The following SEC61A2 variants were observed in gnomAD, a reference collection of about 807,000 sequenced individuals.
SEC61A2 encodes the protein SEC61 translocon subunit alpha 2.
SEC61A2 carries 28 observed loss-of-function variants against 59.9 expected under a neutral mutation model. The observed-to-expected ratio is 0.47, with a 90% CI of 0.35 to 0.64. The LOEUF (loss-of-function observed/expected upper bound fraction) is 0.64. SEC61A2 is among the 30% of genes least tolerant of loss of function. SEC61A2 has a pLI of 0.01. For missense variants in SEC61A2, 340 were observed against 585.9 expected, an observed-to-expected ratio of 0.58 and a Z score of 4.33; for synonymous variants, 202 against 214.4, an observed-to-expected ratio of 0.94 and a Z score of 0.50.
chr10:12,164,013 T>C lies in SEC61A2; in HGVS notation c.1245-255T>C, dbSNP rs986377107. ...TTTAAATCTGTCCAGGAATCTCATG[T>C]CCTGTAAGATTACATATTGTCTTTC... On this transcript the variant is annotated intron_variant, in intron 11 of 11. Coordinates refer to ENST00000298428, the MANE Select transcript of SEC61A2 (RefSeq NM_018144.4). This position sits in a 1 kb window ranked among gnomAD's most constrained non-coding sequence, Gnocchi z 7.3. Among the ~76,000 whole-genome samples the C allele has an allele frequency of 1.1e-4, 17 of 152,248 alleles. No homozygotes were observed. Among genetic ancestry groups the C allele is most frequent in the Admixed American group, 1.1e-3 (17 of 15,288 alleles).
Position 12,155,727 on chromosome 10 carries a change from C to G in SEC61A2, c.463-51C>G, listed in dbSNP as rs756618397. 9 of 1,608,502 alleles carry G rather than the reference C, an allele frequency of 5.6e-6. No homozygotes were observed. The highest frequency in any genetic ancestry group is 3.3e-5 in the Admixed American group (2 of 59,886). ...AATAGCCAATGGTGTTCCTCTCCCC[C>G]TTTCTTGAGTTTGTTCTTGCTTCCG... On this transcript the variant is annotated intron_variant, in intron 6 of 11. Coordinates refer to ENST00000298428, the MANE Select transcript of SEC61A2 (RefSeq NM_018144.4). The surrounding 1 kb of genome is among the most constrained non-coding windows in gnomAD (Gnocchi z 4.3).
At position 12,145,286 on chromosome 10, in the gene SEC61A2, A is replaced by G. The variant is rs566668426; in HGVS notation, c.220+2091A>G. 1.1e-4 allele frequency among the ~76,000 whole-genome samples: 16 copies of G among 152,316 alleles called. No homozygotes were observed. The South Asian group carries it at 1.7e-3, about 16-fold the overall frequency. ...TTATATCATTATAAAGAATGCTACA[A>G]TGAAGGCTATCACACCGTTCTGTAA... On this transcript the variant is annotated intron_variant, in intron 4 of 11. Transcript: ENST00000298428. The surrounding 1 kb of genome is among the most constrained non-coding windows in gnomAD (Gnocchi z 4.4).
chr10:12,156,847 T>TGA lies in SEC61A2; in HGVS notation c.617-58_617-57dup. 1 of 1,564,144 alleles carries TGA rather than the reference T, an allele frequency of 6.4e-7. No individual in the cohort carries two copies. Among genetic ancestry groups the TGA allele is most frequent in the Non-Finnish European group, 8.7e-7 (1 of 1,153,716 alleles). ...TACTGGACTTTCACGGTTAGTTGTT[T>TGA]GAGCTTTGGGACAGCTTTGGACGAT... On this transcript the variant is annotated intron_variant, in intron 7 of 11. Coordinates refer to ENST00000298428, the MANE Select transcript of SEC61A2 (RefSeq NM_018144.4). The surrounding 1 kb of genome is among the most constrained non-coding windows in gnomAD (Gnocchi z 5.2).
chr10:12,140,457 T>C (rs781172637), intron 3 of SEC61A2, among the ~76,000 whole-genome samples: 11 of 152,190 alleles, frequency 7.2e-5, no homozygotes, highest in Non-Finnish European at 1.5e-4. Context: ...TGAAATAAAA[T>C]TAGAAACCAA....
rs1038456280 is a variant in SEC61A2 at position 12,158,826 on chromosome 10, T to G, written c.975+721T>G. Among the ~76,000 whole-genome samples the G allele has an allele frequency of 6.6e-6, 1 of 152,180 alleles. No individual in the cohort carries two copies. The highest frequency in any genetic ancestry group is 1.5e-5 in the Non-Finnish European group (1 of 68,032). ...CTATCTCCCACCCTGCCTCCAGGCC[T>G]CCTCCATTTTTCATGGTCTGAATGG... is the stretch of plus-strand genomic sequence containing the variant. On this transcript the variant is annotated intron_variant, in intron 9 of 11. Coordinates refer to ENST00000298428, the MANE Select transcript of SEC61A2 (RefSeq NM_018144.4). The surrounding 1 kb of genome is among the most constrained non-coding windows in gnomAD (Gnocchi z 5.7).
intron 1 of SEC61A2, among the ~76,000 whole-genome samples, chr10:12,132,603 G>C (rs111760466): frequency 0.086 from 11,205 of 129,882 alleles, 558 homozygotes; most frequent in South Asian, 0.12. Flanking sequence ...AACACAGCGA[G>C]ACTCTGTCTC....
In SEC61A2 at chr10:12,162,098, T is replaced by C. The variant is rs1834543341; in HGVS notation, c.1168-115T>C. The stretch of plus-strand genomic sequence containing the variant: ...ATGCGAATGATATGACAATGCAACT[T>C]TCAGGTTATTGTATGTTACGTGTTA... On this transcript the variant is annotated intron_variant, in intron 10 of 11. Transcript: ENST00000298428. The surrounding 1 kb of genome is among the most constrained non-coding windows in gnomAD (Gnocchi z 6.1). 1.3e-6 allele frequency: 1 copy of C among 799,260 alleles called. No individual in the cohort carries two copies. The highest frequency in any genetic ancestry group is 1.7e-5 in the African/African-American group (1 of 58,616). The allele number at this position is 799,260 out of a possible 1,614,324, so 49.5% of individuals were successfully genotyped here.
intron 2 of SEC61A2, among the ~76,000 whole-genome samples, 170 bp downstream of exon 2, chr10:12,133,478 A>C (rs138665446): frequency 2.6e-5 from 4 of 152,248 alleles, no homozygotes; most frequent in Non-Finnish European, 5.9e-5. Context: ...AAATCTGTTT[A>C]AATCTAGATA....
chr10:12,166,737 G>T (rs781163517), downstream of SEC61A2: 1 of 509,778 alleles, frequency 2.0e-6, no homozygotes, highest in East Asian at 5.8e-5. Context: ...TGGAGCTGCT[G>T]GAGGCCCTAA....
Position 12,136,148 on chromosome 10 carries a change from T to A in SEC61A2, c.119T>A (p.Phe40Tyr), listed in dbSNP as rs1283449623. Reference protein sequence around the residue: ...EKVLWTAITLFIFLVCCQIPL... With the variant: ...EKVLWTAITLYIFLVCCQIPL... ...GTTCTGTGGACTGCTATAACGCTCT[T>A]CATTTTCTTAGTGTGTTGTCAGGTA... Residue 40 changes from phenylalanine (F) to tyrosine (Y), a missense_variant, in exon 3 of 12, where the codon TTC (phenylalanine) becomes TAC (tyrosine). Physicochemically the swap from Phe to Tyr is conservative, Grantham distance 22. Around this residue, in one of 3 missense-constraint regions of SEC61A2, gnomAD observed 41 missense variants for 47.6 expected, o/e 0.86. Transcript: ENST00000298428. 1.3e-6 allele frequency: 2 copies of A among 1,598,052 alleles called. No individual in the cohort carries two copies. The highest frequency in any genetic ancestry group is 3.3e-5 in the Admixed American group (2 of 59,988).
intron 1 of SEC61A2, among the ~76,000 whole-genome samples, chr10:12,131,906 A>G (rs76544060): frequency 0.99 from 2,074 of 2,086 alleles, 1,032 homozygotes; most frequent in Middle Eastern, 1. Flanking sequence ...CATGTTGGCC[A>G]GGCTGGCCTT....
rs1834290001 is a variant in SEC61A2 at position 12,152,157 on chromosome 10, C to T, written c.462+2196C>T. ...AAAGTGCAGTGGTGCAATCTTGGCT[C>T]ACTGCAACCTCCGCCTCCCAGGTTC... On this transcript the variant is annotated intron_variant, in intron 6 of 11. Transcript: ENST00000298428. This position sits in a 1 kb window ranked among gnomAD's most constrained non-coding sequence, Gnocchi z 5.5. Among the ~76,000 whole-genome samples the T allele has an allele frequency of 6.6e-6, 1 of 150,492 alleles. No homozygotes were observed. The highest frequency in any genetic ancestry group is 2.5e-5 in the African/African-American group (1 of 40,706).
downstream of SEC61A2, chr10:12,167,473 A>G (rs957409305): frequency 1.1e-5 from 5 of 458,842 alleles, no homozygotes; most frequent in Admixed American, 3.9e-5. Context: ...TGGAGTAAAC[A>G]TACTTGCATT....
At chr10:12,150,536 T>A (rs1410602168) in intron 6 of SEC61A2, among the ~76,000 whole-genome samples, 1 of 152,244 alleles carries the variant, frequency 6.6e-6, no homozygotes, top group Non-Finnish European at 1.5e-5. Flanking sequence ...TACCACTAGG[T>A]CTAAAATACG....
At chr10:12,165,555 T>C (rs1413138705), downstream of SEC61A2, 3 of 168,270 alleles carry the variant, frequency 1.8e-5, no homozygotes, top group Non-Finnish European at 1.2e-5. Context: ...AGGGTAATCA[T>C]ATATGTGACT....
At position 12,156,555 on chromosome 10, in the gene SEC61A2, C is replaced by T. The variant is rs896857999; in HGVS notation, c.617-352C>T. Among the ~76,000 whole-genome samples the T allele has an allele frequency of 3.3e-5, 5 of 152,198 alleles. No homozygotes were observed. Among genetic ancestry groups the T allele is most frequent in the Non-Finnish European group, 7.3e-5 (5 of 68,036 alleles). Reference sequence around the variant, plus strand: ...TCTGTCTCTTATTCTGACATCTCTGCTCTGCTTCGCTGCTGTTTATTTTTC... The same window carrying T: ...TCTGTCTCTTATTCTGACATCTCTGTTCTGCTTCGCTGCTGTTTATTTTTC... On this transcript the variant is annotated intron_variant, in intron 7 of 11. Coordinates refer to ENST00000298428, the MANE Select transcript of SEC61A2 (RefSeq NM_018144.4). This position sits in a 1 kb window ranked among gnomAD's most constrained non-coding sequence, Gnocchi z 5.2.
chr10:12,157,502 A>ATTT (rs35428328), intron 8 of SEC61A2, among the ~76,000 whole-genome samples: 23 of 111,060 alleles, frequency 2.1e-4, no homozygotes, highest in Non-Finnish European at 2.6e-4. Flanking sequence ...CGCCCGGCTA[A>ATTT]TTTTTTTTTT....
rs1268407695 is a variant in SEC61A2 at position 12,164,623 on chromosome 10, G to A, written c.*169G>A. ...CGAGCTAAGTCTGTGTGCAGCATTA[G>A]TACCCGCTGCCTTAAAACTCAAGTT... On this transcript the variant is annotated 3_prime_UTR_variant, in exon 12 of 12. Coordinates refer to ENST00000298428, the MANE Select transcript of SEC61A2 (RefSeq NM_018144.4). This position sits in a 1 kb window ranked among gnomAD's most constrained non-coding sequence, Gnocchi z 7.3. 5.5e-5 allele frequency: 78 copies of A among 1,409,606 alleles called. No homozygotes were observed. The highest frequency in any genetic ancestry group is 7.1e-5 in the Non-Finnish European group (77 of 1,089,174). 87.3% of individuals were successfully genotyped at this position (1,409,606 alleles called of 1,614,324 possible). A position where few individuals can be genotyped will look rare whatever the true frequency, so the allele number is the denominator to read the frequency against.
chr10:12,149,834 C>A lies in SEC61A2; in HGVS notation c.353-18C>A, dbSNP rs1252776748. 1.2e-6 allele frequency: 2 copies of A among 1,609,486 alleles called. No individual in the cohort carries two copies. The highest frequency in any genetic ancestry group is 1.7e-6 in the Non-Finnish European group (2 of 1,176,336). On this transcript the variant is annotated intron_variant, in intron 5 of 11. Transcript: ENST00000298428. The surrounding 1 kb of genome is among the most constrained non-coding windows in gnomAD (Gnocchi z 5.2). ...TTTGGTGGTAAGCGTGCTCTCCTTT[C>A]CCCCCAACTTTCATCAGTGTTTGGT...
Sources: gnomAD v4.1 joint callset for allele counts (sites outside exome capture counted in the v4.1 genomes callset) on GRCh38, gnomAD v4.1.1 for gene constraint, gnomAD v4.1.1 regional missense constraint, Gnocchi (gnomAD v3.1) non-coding constraint, MANE v1.5 for transcripts, NCBI Gene and HGNC (gene_info 2026-07-23, HGNC 2026-07-21) for gene names.